Variants in AHCYL2 observed in about 807,000 individuals in gnomAD.
AHCYL2 encodes the protein adenosylhomocysteinase like 2, also known as S-adenosylhomocysteine hydrolase-like protein 2.
AHCYL2 carries 28 observed loss-of-function variants against 81.4 expected under a neutral mutation model. That is an observed-to-expected ratio of 0.34 (90% CI 0.25 to 0.47). The LOEUF (loss-of-function observed/expected upper bound fraction) is 0.47, where lower values mean the gene tolerates loss of function less well. Among genes scored for constraint, AHCYL2 ranks in the 20% least tolerant of loss-of-function variants. AHCYL2 has a pLI of 1.00. For missense variants in AHCYL2, 551 were observed against 785.1 expected, an observed-to-expected ratio of 0.70 and a Z score of 3.56; for synonymous variants, 272 against 290.2, an observed-to-expected ratio of 0.94 and a Z score of 0.64.
At chr7:129,393,664 G>T (rs895212665) in intron 4 of AHCYL2, among the ~76,000 whole-genome samples, 27 of 152,144 alleles carry the variant, frequency 1.8e-4, no homozygotes, top group African/African-American at 6.0e-4. Flanking sequence ...TTTGTCTTTT[G>T]ATATATCCCT....
At chr7:129,277,912 GAT>G (rs1252689295) in intron 1 of AHCYL2, among the ~76,000 whole-genome samples, 1 of 152,168 alleles carries the variant, frequency 6.6e-6, no homozygotes, top group Admixed American at 6.5e-5. Context: ...ATTTATTAGA[GAT>G]ATGTTTTTGT....
chr7:129,422,258 C>T (rs571160832), intron 12 of AHCYL2, among the ~76,000 whole-genome samples: 1 of 152,330 alleles, frequency 6.6e-6, no homozygotes, highest in South Asian at 2.1e-4. Flanking sequence ...CACAAAGCTT[C>T]TGTAACTAGG....
At chr7:129,245,444 T>A (rs926443818) in intron 1 of AHCYL2, among the ~76,000 whole-genome samples, 8 of 152,222 alleles carry the variant, frequency 5.3e-5, no homozygotes, top group African/African-American at 1.4e-4. Flanking sequence ...TCACTACTAC[T>A]CATCTTCTGA....
chr7:129,292,421 A>G (rs963200342), intron 1 of AHCYL2, among the ~76,000 whole-genome samples: 8 of 152,248 alleles, frequency 5.3e-5, no homozygotes, highest in Admixed American at 5.2e-4. Context: ...CTAGGGCTAT[A>G]TATCATTCCT....
At chr7:129,421,957 G>A (rs1451095294) in intron 12 of AHCYL2, among the ~76,000 whole-genome samples, 1 of 152,020 alleles carries the variant, frequency 6.6e-6, no homozygotes, top group East Asian at 1.9e-4. Context: ...CTTTTTATTT[G>A]TCTAAAAACT....
intron 1 of AHCYL2, among the ~76,000 whole-genome samples, chr7:129,259,099 A>G (rs1795528145): frequency 6.6e-6 from 1 of 152,192 alleles, no homozygotes; most frequent in South Asian, 2.1e-4. Flanking sequence ...CTTCATTCAC[A>G]TTAAGACCTC....
At position 129,291,280 on chromosome 7, in the gene AHCYL2, C is replaced by T. The variant is rs188040504; in HGVS notation, c.363+65841C>T. The stretch of plus-strand genomic sequence containing the variant: ...TAAGTACCCACAATATGTGAGGCAC[C>T]GCTCTGAACATTTTTGCATGGATTA... On this transcript the variant is annotated intron_variant, in intron 1 of 16. Coordinates refer to ENST00000325006, the MANE Select transcript of AHCYL2 (RefSeq NM_015328.4). Among the ~76,000 whole-genome samples the T allele has an allele frequency of 3.9e-3, 592 of 152,228 alleles. 3 individuals carry two copies. The highest frequency in any genetic ancestry group is 6.4e-3 in the Non-Finnish European group (437 of 68,018).
intron 2 of AHCYL2, among the ~76,000 whole-genome samples, chr7:129,385,473 ATAG>A (rs1252018334): frequency 1.3e-5 from 2 of 152,232 alleles, no homozygotes; most frequent in African/African-American, 4.8e-5. Flanking sequence ...GTTCTGTGAG[ATAG>A]ATTGTGGATT....
chr7:129,263,543 ACTTGAAGTAG>A (rs1795715139), intron 1 of AHCYL2, among the ~76,000 whole-genome samples: 1 of 152,222 alleles, frequency 6.6e-6, no homozygotes, highest in African/African-American at 2.4e-5. Context: ...GTTCCCAGTG[ACTTGAAGTAG>A]CTTGAGGGAA....
intron 1 of AHCYL2, among the ~76,000 whole-genome samples, chr7:129,255,935 G>A (rs914543558): frequency 5.3e-5 from 8 of 152,110 alleles, no homozygotes; most frequent in South Asian, 2.1e-4. Context: ...TTACACTCCA[G>A]CTTGGGTGAC....
chr7:129,335,765 C>T (rs1379402693), intron 1 of AHCYL2, among the ~76,000 whole-genome samples: 1 of 152,150 alleles, frequency 6.6e-6, no homozygotes, highest in African/African-American at 2.4e-5. Flanking sequence ...TCTCTTCTAC[C>T]AGCGTGTCCC....
chr7:129,419,468 C>T lies in AHCYL2; in HGVS notation c.1462-3372C>T, dbSNP rs1487778311. On this transcript the variant is annotated intron_variant, in intron 12 of 16. Transcript: ENST00000325006. The surrounding 1 kb of genome is among the most constrained non-coding windows in gnomAD (Gnocchi z 4.7). ...ACTCAGGAGGCTGAGGCAGGAGAAT[C>T]GCCTGAACCCGGGAGGCGGAGGTTG... Among the ~76,000 whole-genome samples, 5 of 152,080 alleles carry T rather than the reference C, an allele frequency of 3.3e-5. No individual in the cohort carries two copies. The highest frequency in any genetic ancestry group is 1.2e-4 in the African/African-American group (5 of 41,408).
chr7:129,367,443 C>T (rs1794163653), intron 1 of AHCYL2, among the ~76,000 whole-genome samples: 1 of 152,010 alleles, frequency 6.6e-6, no homozygotes, highest in Non-Finnish European at 1.5e-5. Flanking sequence ...GTCTTATTTC[C>T]AAAATTCTGA....
At chr7:129,233,088 C>T (rs963234709) in intron 1 of AHCYL2, among the ~76,000 whole-genome samples, 6 of 152,184 alleles carry the variant, frequency 3.9e-5, no homozygotes, top group Admixed American at 2.6e-4. Context: ...TTATAATCAT[C>T]TATTTCATAT....
Position 129,406,884 on chromosome 7 carries a change from T to C in AHCYL2, c.1295+418T>C, listed in dbSNP as rs1796331576. ...TGAGGAAACATTAGACCAATCCCAG[T>C]TAAGGGTAAAATCTACTAACTCTGA... On this transcript the variant is annotated intron_variant, in intron 10 of 16. Coordinates refer to ENST00000325006, the MANE Select transcript of AHCYL2 (RefSeq NM_015328.4). This position sits in a 1 kb window ranked among gnomAD's most constrained non-coding sequence, Gnocchi z 4.3. 6.6e-6 allele frequency among the ~76,000 whole-genome samples: 1 copy of C among 152,154 alleles called. No individual in the cohort carries two copies. Among genetic ancestry groups the C allele is most frequent in the African/African-American group, 2.4e-5 (1 of 41,440 alleles).
chr7:129,417,404 C>T (rs749947504), intron 12 of AHCYL2, among the ~76,000 whole-genome samples: 2 of 152,164 alleles, frequency 1.3e-5, no homozygotes, highest in Non-Finnish European at 2.9e-5. Flanking sequence ...CTGATTATAT[C>T]CTGAGAGAAC....
intron 1 of AHCYL2, among the ~76,000 whole-genome samples, chr7:129,302,016 A>G (rs750888482): frequency 5.3e-5 from 8 of 152,126 alleles, no homozygotes; most frequent in Non-Finnish European, 1.2e-4. Context: ...TGGACATGGA[A>G]TGTCTTTTTC....
chr7:129,266,280 A>G lies in AHCYL2; in HGVS notation c.363+40841A>G, dbSNP rs75857266. ...AACAAACCAAAATTGACTTTGTTCA[A>G]TTGACTTAAGCAAAAAAGGTAGTGG... On this transcript the variant is annotated intron_variant, in intron 1 of 16. Coordinates refer to ENST00000325006, the MANE Select transcript of AHCYL2 (RefSeq NM_015328.4). Among the ~76,000 whole-genome samples the G allele has an allele frequency of 2.5e-4, 38 of 152,364 alleles. 1 individual carries two copies. In the East Asian group the frequency reaches 7.3e-3, roughly 29 times the overall value.
At chr7:129,299,373 T>G (rs1163754688) in intron 1 of AHCYL2, among the ~76,000 whole-genome samples, 2 of 12,416 alleles carry the variant, frequency 1.6e-4, no homozygotes, top group Middle Eastern at 0.019. Flanking sequence ...CAACTTGTTT[T>G]TTTTTTTTTT....
Sources: gnomAD v4.1 joint callset for allele counts (sites outside exome capture counted in the v4.1 genomes callset) on GRCh38, gnomAD v4.1.1 for gene constraint, Gnocchi (gnomAD v3.1) non-coding constraint, MANE v1.5 for transcripts, NCBI Gene and HGNC (gene_info 2026-07-23, HGNC 2026-07-21) for gene names.